The following KCNIP1 variants were observed in gnomAD, a reference collection of about 807,000 sequenced individuals.
The protein encoded by KCNIP1 is A-type potassium channel modulatory protein KCNIP1.
Under a neutral mutation model 33.0 loss-of-function variants are expected in KCNIP1, and 18 were observed. That is an observed-to-expected ratio of 0.55 (90% CI 0.38 to 0.81). KCNIP1 has a LOEUF of 0.81. Among genes scored for constraint, KCNIP1 ranks in the 30% least tolerant of loss-of-function variants. KCNIP1 has a pLI of 0.00. For synonymous variants in KCNIP1, 93 were observed against 98.3 expected, an observed-to-expected ratio of 0.95 and a Z score of 0.32; for missense variants, 238 against 271.6, an observed-to-expected ratio of 0.88 and a Z score of 0.87.
At chr5:170,710,012 C>A (rs11739471) in intron 1 of KCNIP1, among the ~76,000 whole-genome samples, 1 of 152,106 alleles carries the variant, frequency 6.6e-6, no homozygotes, top group African/African-American at 2.4e-5. Context: ...GGACTACAGG[C>A]GCGCACCACC....
chr5:170,612,388 T>C (rs1482037075), intron 1 of KCNIP1, among the ~76,000 whole-genome samples: 1 of 152,226 alleles, frequency 6.6e-6, no homozygotes, highest in Non-Finnish European at 1.5e-5. Flanking sequence ...TTAGCGTAAC[T>C]AAGCCATCAC....
chr5:170,709,205 A>AT (rs1406158238), intron 1 of KCNIP1, among the ~76,000 whole-genome samples: 1 of 152,074 alleles, frequency 6.6e-6, no homozygotes, highest in Non-Finnish European at 1.5e-5. Context: ...ACCCCTATTG[A>AT]TTTTTTTGTC....
intron 1 of KCNIP1, among the ~76,000 whole-genome samples, chr5:170,446,447 C>G (rs1397061235): frequency 6.6e-6 from 1 of 151,850 alleles, no homozygotes; most frequent in Non-Finnish European, 1.5e-5. Flanking sequence ...CTGGGTACAG[C>G]TCCTGACACT....
intron 1 of KCNIP1, among the ~76,000 whole-genome samples, chr5:170,660,637 G>A (rs1268184075): frequency 6.6e-6 from 1 of 152,212 alleles, no homozygotes; most frequent in African/African-American, 2.4e-5. Flanking sequence ...TGCCTCTAGC[G>A]ACATGGGAAG....
chr5:170,482,910 C>G, intron 1 of KCNIP1: 1 of 326,486 alleles, frequency 3.1e-6, no homozygotes, highest in Non-Finnish European at 6.0e-6. Flanking sequence ...TGTCCCACCC[C>G]TTCTGTCCTG....
chr5:170,589,221 G>C (rs546195552), intron 1 of KCNIP1, among the ~76,000 whole-genome samples: 2 of 151,926 alleles, frequency 1.3e-5, no homozygotes, highest in East Asian at 1.9e-4. Flanking sequence ...GTATGGTCTC[G>C]ATCTCCTGAC....
intron 1 of KCNIP1, among the ~76,000 whole-genome samples, chr5:170,523,268 G>A (rs1446686188): frequency 6.6e-6 from 1 of 152,244 alleles, no homozygotes; most frequent in African/African-American, 2.4e-5. Context: ...CTTGCGTGCT[G>A]CAGAGAGCTG....
At chr5:170,673,856 C>A (rs932514968) in intron 1 of KCNIP1, among the ~76,000 whole-genome samples, 1 of 151,902 alleles carries the variant, frequency 6.6e-6, no homozygotes, top group African/African-American at 2.4e-5. Flanking sequence ...TGGTGGTGGG[C>A]GGAGGTGGGG....
intron 1 of KCNIP1, chr5:170,712,877 T>A (rs763690001): frequency 1.2e-6 from 2 of 1,613,908 alleles, no homozygotes; most frequent in Admixed American, 3.3e-5. Context: ...GTATTACCAG[T>A]ATCAGAGAGG....
intron 1 of KCNIP1, among the ~76,000 whole-genome samples, chr5:170,685,739 T>A (rs1056507738): frequency 1.3e-5 from 2 of 152,038 alleles, no homozygotes; most frequent in Non-Finnish European, 2.9e-5. Context: ...TCCACCCACC[T>A]CGGCCTCCCA....
intron 1 of KCNIP1, among the ~76,000 whole-genome samples, chr5:170,481,755 G>C (rs1313391848): frequency 6.6e-6 from 1 of 152,080 alleles, no homozygotes; most frequent in Non-Finnish European, 1.5e-5. Context: ...TATGAATTTG[G>C]GATTTATTAC....
chr5:170,647,698 C>A (rs186374984), intron 1 of KCNIP1, among the ~76,000 whole-genome samples: 35 of 152,118 alleles, frequency 2.3e-4, no homozygotes, highest in African/African-American at 8.2e-4. Context: ...GGAATCATAT[C>A]TAGAAGATCC....
At chr5:170,691,119 A>ACTGCC (rs1303623133) in intron 1 of KCNIP1, among the ~76,000 whole-genome samples, 1 of 152,248 alleles carries the variant, frequency 6.6e-6, no homozygotes, top group East Asian at 1.9e-4. Context: ...CTATGGCACC[A>ACTGCC]CTGCCATGAC....
chr5:170,359,591 C>T (rs373607056), intron 1 of KCNIP1, among the ~76,000 whole-genome samples: 1 of 152,176 alleles, frequency 6.6e-6, no homozygotes, highest in Non-Finnish European at 1.5e-5. Context: ...CCTCTGAGTG[C>T]CAGTGCTTTG....
chr5:170,571,028 G>C (rs1027613664), intron 1 of KCNIP1, among the ~76,000 whole-genome samples: 1 of 152,204 alleles, frequency 6.6e-6, no homozygotes, highest in African/African-American at 2.4e-5. Flanking sequence ...GATCTATCCA[G>C]CTTGGAAGCC....
rs907232241 is a variant in KCNIP1 at position 170,536,290 on chromosome 5, C to T, written c.61+31657C>T. Among the ~76,000 whole-genome samples the T allele has an allele frequency of 2.0e-5, 3 of 152,330 alleles. No homozygotes were observed. In the South Asian group the frequency reaches 6.2e-4, roughly 32 times the overall value. The stretch of plus-strand genomic sequence containing the variant: ...GATGTAGGTTTGCTGTCAATCCTTC[C>T]ACCAGTTACTACTGCCTGTGCAGCC... On this transcript the variant is annotated intron_variant, in intron 1 of 7. Coordinates refer to ENST00000328939, the MANE Select transcript of KCNIP1 (RefSeq NM_014592.4).
chr5:170,720,750 A>C (rs1262543198), intron 3 of KCNIP1, among the ~76,000 whole-genome samples: 1 of 152,258 alleles, frequency 6.6e-6, no homozygotes, highest in Non-Finnish European at 1.5e-5. Context: ...TAGATTCCAT[A>C]AGGGTCTGAA....
intron 1 of KCNIP1, among the ~76,000 whole-genome samples, chr5:170,652,601 A>G (rs1761091086): frequency 6.6e-6 from 1 of 152,146 alleles, no homozygotes; most frequent in Non-Finnish European, 1.5e-5. Flanking sequence ...CCAGAAACAG[A>G]GGAAAGGGGG....
At chr5:170,503,736 A>T (rs1326654184), upstream of KCNIP1, among the ~76,000 whole-genome samples, 19 of 116,958 alleles carry the variant, frequency 1.6e-4, 1 homozygote, top group Admixed American at 1.4e-3. Context: ...ACACACACAC[A>T]CACACACACA....
Sources: allele counts gnomAD v4.1 joint callset (sites outside exome capture counted in the v4.1 genomes callset), GRCh38; gene constraint gnomAD v4.1.1; transcripts MANE v1.5; gene names NCBI Gene and HGNC (gene_info 2026-07-23, HGNC 2026-07-21).